The following CEP128 variants were observed in gnomAD, a reference collection of about 807,000 sequenced individuals.
The protein encoded by CEP128 is centrosomal protein 128.
In CEP128, 132 loss-of-function variants were observed where a neutral mutation model predicts 156.7. The observed-to-expected ratio is 0.84, with a 90% CI of 0.73 to 0.97. CEP128 has a LOEUF of 0.97. CEP128 is among the 50% of genes least tolerant of loss of function. The probability of loss-of-function intolerance (pLI) is 0.00; values close to 1 mark genes in which losing one functional copy is unlikely to be tolerated. For missense variants in CEP128, 1,252 were observed against 1,281.9 expected, an observed-to-expected ratio of 0.98 and a Z score of 0.36; for synonymous variants, 469 against 448.9, an observed-to-expected ratio of 1.04 and a Z score of -0.57.
At chr14:80,908,338 T>C (rs561069477) in intron 4 of CEP128, among the ~76,000 whole-genome samples, 1 of 152,258 alleles carries the variant, frequency 6.6e-6, no homozygotes, top group East Asian at 1.9e-4. Flanking sequence ...TTTTACCAAA[T>C]GCTGTTATGT....
chr14:80,797,753 T>C (rs1016019315), intron 13 of CEP128, among the ~76,000 whole-genome samples: 6 of 152,116 alleles, frequency 3.9e-5, no homozygotes, highest in Admixed American at 3.3e-4. Context: ...ATAGAGCACA[T>C]AAGTGTACAA....
intron 19 of CEP128, among the ~76,000 whole-genome samples, chr14:80,590,525 T>C (rs1013353921): frequency 6.6e-6 from 1 of 151,564 alleles, no homozygotes; most frequent in African/African-American, 2.4e-5. Flanking sequence ...GGAATAAAGA[T>C]GAAGGCAAGA....
chr14:80,615,769 A>G (rs1238132076), intron 19 of CEP128, among the ~76,000 whole-genome samples: 3 of 152,190 alleles, frequency 2.0e-5, no homozygotes, highest in South Asian at 4.1e-4. Flanking sequence ...GAATCACTTG[A>G]ACCCGGGAGG....
At chr14:80,511,053 G>GTTT (rs35675273) in intron 23 of CEP128, among the ~76,000 whole-genome samples, 1 of 144,420 alleles carries the variant, frequency 6.9e-6, no homozygotes, top group African/African-American at 2.6e-5. Context: ...TGGCCTGTGG[G>GTTT]TTTTTTTTTT....
chr14:80,740,284 A>G (rs1363772954), intron 19 of CEP128, among the ~76,000 whole-genome samples: 1 of 152,134 alleles, frequency 6.6e-6, no homozygotes, highest in African/African-American at 2.4e-5. Flanking sequence ...CACTGCCTTC[A>G]TAGAAACTCT....
intron 9 of CEP128, among the ~76,000 whole-genome samples, chr14:80,859,493 C>G (rs1595509345): frequency 1.3e-5 from 2 of 151,588 alleles, no homozygotes; most frequent in Admixed American, 6.6e-5. Flanking sequence ...CACATGTATA[C>G]ATATGTAACT....
intron 19 of CEP128, among the ~76,000 whole-genome samples, chr14:80,695,429 G>A (rs971122922): frequency 6.6e-6 from 1 of 151,994 alleles, no homozygotes; most frequent in Non-Finnish European, 1.5e-5. Flanking sequence ...GAACTTGCAG[G>A]GTGTGGCCAG....
Position 80,840,882 on chromosome 14 carries a change from A to T in CEP128, c.763-114T>A, listed in dbSNP as rs555537038. On this transcript the variant is annotated intron_variant, in intron 9 of 24. Coordinates refer to ENST00000555265, the MANE Select transcript of CEP128 (RefSeq NM_152446.5). ...GAAGACATGGATATGAGTTACACAA[A>T]ATCTATAAATTACAGTCTGCTCATA... The T allele has an allele frequency of 3.6e-5, 24 of 664,974 alleles. No homozygotes were observed. The South Asian group carries it at 4.4e-4, about 12-fold the overall frequency. 41.2% of individuals were successfully genotyped at this position (664,974 alleles called of 1,614,324 possible). A position where few individuals can be genotyped will look rare whatever the true frequency, so the allele number is the denominator to read the frequency against.
chr14:80,926,695 A>G (rs938599153), intron 2 of CEP128, among the ~76,000 whole-genome samples: 2 of 152,156 alleles, frequency 1.3e-5, no homozygotes, highest in African/African-American at 4.8e-5. Context: ...TGATACTGCA[A>G]CTGTTGCTCT....
intron 8 of CEP128, among the ~76,000 whole-genome samples, chr14:80,873,178 C>T (rs994073778): frequency 6.6e-6 from 1 of 152,186 alleles, no homozygotes; most frequent in Non-Finnish European, 1.5e-5. Context: ...GCTGGGTAAA[C>T]TAGCATGTTT....
At chr14:80,593,899 G>A (rs1015187490) in intron 19 of CEP128, among the ~76,000 whole-genome samples, 9 of 152,224 alleles carry the variant, frequency 5.9e-5, no homozygotes, top group Admixed American at 2.6e-4. Flanking sequence ...CATACTGCCC[G>A]AAGTAATTTA....
intron 2 of CEP128, among the ~76,000 whole-genome samples, chr14:80,929,757 A>G (rs368841978): frequency 1.3e-5 from 2 of 152,234 alleles, no homozygotes; most frequent in East Asian, 1.9e-4. Context: ...AAAACTACCT[A>G]TTGGGTACAA....
At chr14:80,625,028 T>C (rs1183998542) in intron 19 of CEP128, among the ~76,000 whole-genome samples, 2 of 152,216 alleles carry the variant, frequency 1.3e-5, no homozygotes, top group Non-Finnish European at 2.9e-5. Flanking sequence ...CTAGGTTTTC[T>C]TTCCCTGTAG....
intron 18 of CEP128, among the ~76,000 whole-genome samples, chr14:80,751,834 T>C (rs1049838478): frequency 2.6e-5 from 4 of 152,096 alleles, no homozygotes; most frequent in Non-Finnish European, 2.9e-5. Context: ...TTTCGTCATG[T>C]TGGTCAGGCT....
chr14:80,683,851 T>G (rs986471519), intron 19 of CEP128, among the ~76,000 whole-genome samples: 1 of 151,944 alleles, frequency 6.6e-6, no homozygotes, highest in Non-Finnish European at 1.5e-5. Context: ...ATGAAAAAAC[T>G]TGCTCCTGAA....
chr14:80,575,332 C>T (rs1273349580), intron 20 of CEP128, among the ~76,000 whole-genome samples: 1 of 152,016 alleles, frequency 6.6e-6, no homozygotes, highest in East Asian at 1.9e-4. Flanking sequence ...CTTTCTCCTC[C>T]TAAAATAATG....
At chr14:80,662,189 A>G (rs1037628944) in intron 19 of CEP128, among the ~76,000 whole-genome samples, 3 of 152,182 alleles carry the variant, frequency 2.0e-5, no homozygotes, top group Non-Finnish European at 2.9e-5. Context: ...TGTGAGCACA[A>G]AAATATTTAG....
intron 2 of CEP128, among the ~76,000 whole-genome samples, chr14:80,938,298 G>A (rs1198802610): frequency 2.1e-5 from 3 of 146,270 alleles, no homozygotes; most frequent in Non-Finnish European, 4.5e-5. Context: ...CCAGGCTGGA[G>A]TGCAGTGGCG....
At chr14:80,767,154 T>C (rs894357251) in intron 16 of CEP128, among the ~76,000 whole-genome samples, 1 of 152,050 alleles carries the variant, frequency 6.6e-6, no homozygotes, top group Non-Finnish European at 1.5e-5. Context: ...GAAGTTAGGA[T>C]ACAACATAAA....
Sources: gnomAD v4.1 joint callset for allele counts (sites outside exome capture counted in the v4.1 genomes callset) on GRCh38, gnomAD v4.1.1 for gene constraint, MANE v1.5 for transcripts, NCBI Gene and HGNC (gene_info 2026-07-23, HGNC 2026-07-21) for gene names.